Variants in PDE1C observed in about 807,000 individuals in gnomAD.
PDE1C encodes phosphodiesterase 1C, also known as dual specificity calcium/calmodulin-dependent 3',5'-cyclic nucleotide phosphodiesterase 1C.
PDE1C carries 62 observed loss-of-function variants against 93.1 expected under a neutral mutation model. The observed-to-expected ratio is 0.67, with a 90% CI of 0.54 to 0.82. The LOEUF (loss-of-function observed/expected upper bound fraction) is 0.82, where lower values mean the gene tolerates loss of function less well. Among genes scored for constraint, PDE1C ranks in the 40% least tolerant of loss-of-function variants. The pLI is 0.00. For missense variants in PDE1C, 742 were observed against 884.6 expected (o/e 0.84, Z 2.04); for synonymous variants, 325 against 310.1 (o/e 1.05, Z -0.50).
chr7:32,251,014 T>C (rs1305763389), intron 1 of PDE1C, among the ~76,000 whole-genome samples: 1 of 152,350 alleles, frequency 6.6e-6, no homozygotes, highest in South Asian at 2.1e-4. Flanking sequence ...TAGTGAAGCA[T>C]GATGCAGATA....
intron 1 of PDE1C, among the ~76,000 whole-genome samples, chr7:32,293,335 C>T (rs1812449401): frequency 6.6e-6 from 1 of 152,108 alleles, no homozygotes; most frequent in South Asian, 2.1e-4. Flanking sequence ...TCAGCTGGCC[C>T]CCTAAAAGCG....
intron 1 of PDE1C, among the ~76,000 whole-genome samples, chr7:32,061,877 C>G (rs1794852539): frequency 6.6e-6 from 1 of 152,186 alleles, no homozygotes; most frequent in Non-Finnish European, 1.5e-5. Context: ...TTCCTTCAGA[C>G]TATTTAGGGG....
intron 1 of PDE1C, among the ~76,000 whole-genome samples, chr7:32,247,910 G>A (rs1016738537): frequency 5.3e-5 from 8 of 152,082 alleles, no homozygotes; most frequent in Non-Finnish European, 1.0e-4. Context: ...AGTACAATGG[G>A]CATCTGTACT....
chr7:32,398,035 C>T (rs1164054985), intron 1 of PDE1C, among the ~76,000 whole-genome samples: 3 of 152,070 alleles, frequency 2.0e-5, no homozygotes, highest in Non-Finnish European at 4.4e-5. Context: ...CGCCTGTAGT[C>T]CCAGCTACTC....
chr7:31,769,383 G>A (rs913690592), intron 17 of PDE1C, among the ~76,000 whole-genome samples: 6 of 152,170 alleles, frequency 3.9e-5, no homozygotes, highest in Non-Finnish European at 8.8e-5. Context: ...TTTAGGCAAT[G>A]TCATTCAATG....
intron 15 of PDE1C, among the ~76,000 whole-genome samples, chr7:31,813,301 T>C (rs759025805): frequency 1.3e-5 from 2 of 152,104 alleles, no homozygotes; most frequent in Non-Finnish European, 2.9e-5. Flanking sequence ...CTTTGAGATA[T>C]GTTTTCTGTA....
chr7:31,721,245 C>A, the PDE1C span, among the ~76,000 whole-genome samples: 1 of 152,208 alleles, frequency 6.6e-6, no homozygotes, highest in African/African-American at 2.4e-5. Context: ...CCCTCAGCAA[C>A]AGAGCTCCTG....
At chr7:31,910,856 G>A (rs1007957396) in intron 2 of PDE1C, among the ~76,000 whole-genome samples, 8 of 152,154 alleles carry the variant, frequency 5.3e-5, no homozygotes, top group Non-Finnish European at 1.2e-4. Context: ...CCTGGCCCAC[G>A]TAAACACCAG....
intron 1 of PDE1C, among the ~76,000 whole-genome samples, chr7:32,419,476 G>A (rs1171393621): frequency 6.6e-6 from 1 of 152,174 alleles, no homozygotes; most frequent in African/African-American, 2.4e-5. Flanking sequence ...AGCCCTTGGG[G>A]TATGGGGTGA....
intron 7 of PDE1C, among the ~76,000 whole-genome samples, chr7:31,853,286 C>T (rs775184613): frequency 1.9e-4 from 29 of 152,104 alleles, no homozygotes; most frequent in Admixed American, 4.6e-4. Context: ...TTTCAACAAA[C>T]GCCATGCATG....
At chr7:32,113,272 G>C (rs1310379542) in intron 3 of PDE1C, among the ~76,000 whole-genome samples, 3 of 72,396 alleles carry the variant, frequency 4.1e-5, no homozygotes, top group Admixed American at 1.2e-4. Flanking sequence ...TATGGATGTG[G>C]ATATATTTGG....
At chr7:32,375,652 A>G (rs940012098) in intron 1 of PDE1C, among the ~76,000 whole-genome samples, 5 of 152,234 alleles carry the variant, frequency 3.3e-5, no homozygotes, top group Non-Finnish European at 7.3e-5. Context: ...TCCCTGCTCT[A>G]GAGCGTTCTC....
At chr7:31,906,789 A>C (rs1563010198) in intron 2 of PDE1C, among the ~76,000 whole-genome samples, 1 of 152,174 alleles carries the variant, frequency 6.6e-6, no homozygotes, top group Admixed American at 6.5e-5. Flanking sequence ...CAAGCTTTTT[A>C]AATACCCAAT....
At chr7:31,714,701 C>T in the PDE1C span, among the ~76,000 whole-genome samples, 5 of 152,120 alleles carry the variant, frequency 3.3e-5, no homozygotes, top group African/African-American at 9.7e-5. Flanking sequence ...CATGGATGGC[C>T]GCAGGCAAAG....
upstream of PDE1C, among the ~76,000 whole-genome samples, chr7:32,304,113 C>T (rs1418037555): frequency 6.6e-6 from 1 of 152,200 alleles, no homozygotes; most frequent in Non-Finnish European, 1.5e-5. Flanking sequence ...AGACCTCCCT[C>T]CTCACCATTC....
rs571119153 is a variant in PDE1C at position 32,153,144 on chromosome 7, T to C, written c.308+16641A>G. Reference sequence around the variant, plus strand: ...TGCCCAGCAGGCTTTTGAAAGCTTCTACAGATCACGTTCCCAAAAGAATAC... The same window carrying C: ...TGCCCAGCAGGCTTTTGAAAGCTTCCACAGATCACGTTCCCAAAAGAATAC... On this transcript the variant is annotated intron_variant, in intron 3 of 18. Coordinates refer to the PDE1C transcript ENST00000396193. 2.6e-5 allele frequency among the ~76,000 whole-genome samples: 4 copies of C among 152,352 alleles called. No individual in the cohort carries two copies. In the East Asian group the frequency reaches 7.7e-4, roughly 29 times the overall value.
chr7:32,330,995 C>A (rs1454274311), intron 1 of PDE1C, among the ~76,000 whole-genome samples: 1 of 152,102 alleles, frequency 6.6e-6, no homozygotes, highest in African/African-American at 2.4e-5. Flanking sequence ...GAAGTCAAAG[C>A]ACTTCTGACC....
chr7:31,910,871 G>T (rs1019557018), intron 2 of PDE1C, among the ~76,000 whole-genome samples: 4 of 152,162 alleles, frequency 2.6e-5, no homozygotes, highest in Non-Finnish European at 5.9e-5. Context: ...CACCAGAAGA[G>T]TGTTTGCAAT....
At chr7:32,024,869 G>T (rs1438610279) in intron 2 of PDE1C, among the ~76,000 whole-genome samples, 6 of 152,176 alleles carry the variant, frequency 3.9e-5, no homozygotes, top group African/African-American at 1.2e-4. Flanking sequence ...TTCCCTCAGG[G>T]AATATAACCC....
Sources: allele counts gnomAD v4.1 joint callset (sites outside exome capture counted in the v4.1 genomes callset), GRCh38; gene constraint gnomAD v4.1.1; transcripts MANE v1.5; gene names NCBI Gene and HGNC (gene_info 2026-07-23, HGNC 2026-07-21).